The following MTTP variants were observed in gnomAD, a reference collection of about 807,000 sequenced individuals.
MTTP encodes the protein microsomal triglyceride transfer protein.
In MTTP, 49 loss-of-function variants were observed where a neutral mutation model predicts 90.6. That is an observed-to-expected ratio of 0.54 (90% CI 0.43 to 0.69). The LOEUF is 0.69. Ranked by LOEUF, MTTP falls within the 30% of genes least tolerant of loss-of-function variation. The pLI, the probability that MTTP is intolerant of heterozygous loss-of-function variation, is 0.00. For missense variants in MTTP, 945 were observed against 1,067.5 expected (o/e 0.89, Z 1.60); for synonymous variants, 347 against 384.2 (o/e 0.90, Z 1.13).
At chr4:99,610,559 A>C (rs1396780518) in intron 12 of MTTP, among the ~76,000 whole-genome samples, 1 of 152,198 alleles carries the variant, frequency 6.6e-6, no homozygotes, top group Non-Finnish European at 1.5e-5. Context: ...TCAGAAATGA[A>C]CATCTTAACA....
chr4:99,583,146 AG>A (rs1725168707), intron 2 of MTTP, among the ~76,000 whole-genome samples: 3 of 152,170 alleles, frequency 2.0e-5, no homozygotes, highest in African/African-American at 7.2e-5. Flanking sequence ...CTAAAGTCAC[AG>A]AGTTCTTTAA....
intron 11 of MTTP, among the ~76,000 whole-genome samples, chr4:99,608,410 A>G (rs976755286): frequency 6.6e-6 from 1 of 152,134 alleles, no homozygotes; most frequent in Non-Finnish European, 1.5e-5. Flanking sequence ...GTGCCACTGC[A>G]CTCCAGCCTG....
rs760333885 is a variant in MTTP, at chr4:99,591,635, C to A, written c.619-16C>A. ...CGATGATTACTTGTTATAAAGATGGCTATTTATTTATTTAGGTCTTGGGTG... is the reference window on the plus strand; with the variant it reads ...CGATGATTACTTGTTATAAAGATGGATATTTATTTATTTAGGTCTTGGGTG... On this transcript the variant is annotated splice_polypyrimidine_tract_variant and intron_variant, in intron 5 of 17. Coordinates refer to ENST00000265517, the MANE Select transcript of MTTP (RefSeq NM_001386140.1). 5.6e-6 allele frequency: 9 copies of A among 1,607,004 alleles called. No homozygotes were observed. The highest frequency in any genetic ancestry group is 7.7e-6 in the Non-Finnish European group (9 of 1,174,534).
chr4:99,606,032 C>G (rs146085616), intron 10 of MTTP, among the ~76,000 whole-genome samples: 4 of 152,146 alleles, frequency 2.6e-5, no homozygotes, highest in African/African-American at 9.6e-5. Flanking sequence ...TTATTTTAAA[C>G]ATGAAACTGA....
At chr4:99,577,044 A>G (rs1047341092) in intron 1 of MTTP, among the ~76,000 whole-genome samples, 2 of 152,210 alleles carry the variant, frequency 1.3e-5, no homozygotes, top group Non-Finnish European at 2.9e-5. Context: ...CTGATATCAT[A>G]AATTAAAAGT....
chr4:99,589,741 C>G lies in MTTP; in HGVS notation c.492C>G (p.Thr164=). The part of the protein sequence containing the change: ...SLFQTQLSSG[T]TNEVDISGNC... ...TTCAGACACAGTTAAGCTCTGGAAC[C>G]ACCAATGAGGTACTTACCAATATTA... Residue 164 remains threonine, a synonymous_variant, in exon 4 of 18, where the codon ACC becomes ACG. Transcript: ENST00000265517. 6.4e-7 allele frequency: 1 copy of G among 1,570,474 alleles called. No individual in the cohort carries two copies. Among genetic ancestry groups the G allele is most frequent in the Non-Finnish European group, 8.8e-7 (1 of 1,141,584 alleles).
intron 6 of MTTP, 129 bp downstream of exon 6, chr4:99,591,919 G>T (rs1463119472): frequency 7.0e-6 from 6 of 854,670 alleles, no homozygotes; most frequent in African/African-American, 6.8e-5. Flanking sequence ...TTAACAATGG[G>T]AATAAGTTCT....
chr4:99,569,900 T>C (rs1009840422), upstream of MTTP, among the ~76,000 whole-genome samples: 2 of 152,052 alleles, frequency 1.3e-5, no homozygotes, highest in African/African-American at 4.8e-5. Flanking sequence ...TATTTTAAAA[T>C]GGCTTCATGG....
rs1578258166 is a variant in MTTP at position 99,620,817 on chromosome 4, A to T, written c.2343-244A>T. The T allele has an allele frequency of 3.1e-5, 17 of 540,416 alleles. No homozygotes were observed. The East Asian group carries it at 5.4e-4, about 17-fold the overall frequency. The allele number at this position is 540,416 out of a possible 1,614,324, so 33.5% of individuals were successfully genotyped here. On this transcript the variant is annotated intron_variant, in intron 16 of 17. Coordinates refer to ENST00000265517, the MANE Select transcript of MTTP (RefSeq NM_001386140.1). ...GTAGTATCTTACAGACACTCCCCAC[A>T]TCTGCAACTGAAGGCAGGGGAGAGC...
At chr4:99,603,669 G>C (rs1474409357) in intron 10 of MTTP, among the ~76,000 whole-genome samples, 2 of 152,084 alleles carry the variant, frequency 1.3e-5, no homozygotes, top group Admixed American at 1.3e-4. Flanking sequence ...GCCTGGTTGG[G>C]GGTGGGAGGA....
chr4:99,578,124 CA>C (rs2110209530), intron 1 of MTTP, among the ~76,000 whole-genome samples: 1 of 152,290 alleles, frequency 6.6e-6, no homozygotes, highest in Non-Finnish European at 1.5e-5. Flanking sequence ...AGCCAGTTAT[CA>C]GTGATTGTAC....
intron 12 of MTTP, among the ~76,000 whole-genome samples, chr4:99,609,571 T>A (rs1002100170): frequency 1.3e-5 from 2 of 151,900 alleles, no homozygotes; most frequent in African/African-American, 4.8e-5. Flanking sequence ...AATTAGAGGG[T>A]CAGAGAAGGA....
chr4:99,619,852 G>T (rs2110237540), intron 16 of MTTP, among the ~76,000 whole-genome samples: 1 of 152,196 alleles, frequency 6.6e-6, no homozygotes, highest in East Asian at 1.9e-4. Flanking sequence ...TTACCAAAAG[G>T]AAACACAGAA....
chr4:99,589,827 A>G (rs1343693311), intron 4 of MTTP, 77 bp downstream of exon 4: 4 of 1,010,470 alleles, frequency 4.0e-6, no homozygotes, highest in Non-Finnish European at 6.2e-6. Context: ...TTTCAGTAGA[A>G]GAGTTACTAC....
intron 1 of MTTP, among the ~76,000 whole-genome samples, chr4:99,579,902 T>A (rs1383116952): frequency 6.6e-6 from 1 of 151,296 alleles, no homozygotes; most frequent in Non-Finnish European, 1.5e-5. Flanking sequence ...CTGGGCTTAG[T>A]GGCGTGAGTG....
chr4:99,604,363 A>G (rs538263826), intron 10 of MTTP, among the ~76,000 whole-genome samples: 3 of 152,060 alleles, frequency 2.0e-5, no homozygotes, highest in Non-Finnish European at 4.4e-5. Context: ...TTTCTTTTTT[A>G]TGTTTGTCTT....
intron 4 of MTTP, among the ~76,000 whole-genome samples, chr4:99,590,475 T>C (rs936291670): frequency 2.0e-5 from 3 of 152,140 alleles, no homozygotes; most frequent in Admixed American, 6.6e-5. Context: ...ACACTGTTCA[T>C]TTTGCAAAAG....
intron 1 of MTTP, among the ~76,000 whole-genome samples, chr4:99,566,421 T>C (rs998126382): frequency 2.0e-5 from 3 of 152,106 alleles, no homozygotes; most frequent in South Asian, 4.1e-4. Context: ...AGCACATACT[T>C]GTAGTTTAAG....
intron 1 of MTTP, among the ~76,000 whole-genome samples, chr4:99,581,244 T>C (rs1321040551): frequency 1.3e-5 from 2 of 152,340 alleles, no homozygotes; most frequent in East Asian, 1.9e-4. Context: ...CAGATTTGTA[T>C]ACTATTTGAT....
Sources: gnomAD v4.1 joint callset for allele counts (sites outside exome capture counted in the v4.1 genomes callset) on GRCh38, gnomAD v4.1.1 for gene constraint, MANE v1.5 for transcripts, NCBI Gene and HGNC (gene_info 2026-07-23, HGNC 2026-07-21) for gene names.